The following RPUSD2 variants were observed in gnomAD, a reference collection of about 807,000 sequenced individuals.
RPUSD2 encodes the protein pseudouridylate synthase RPUSD2.
RPUSD2 carries 31 observed loss-of-function variants against 41.5 expected under a neutral mutation model. The ratio of observed to expected loss-of-function variants is 0.75; its 90% confidence interval spans 0.56 to 1.01. The LOEUF (loss-of-function observed/expected upper bound fraction) is 1.01, where lower values mean the gene tolerates loss of function less well. Among genes scored for constraint, RPUSD2 ranks in the 50% least tolerant of loss-of-function variants. The pLI is 0.00. For synonymous variants in RPUSD2, 305 were observed against 289.7 expected (o/e 1.05, Z -0.54); for missense variants, 749 against 724.7 (o/e 1.03, Z -0.38).
chr15:40,573,725 C>G lies in RPUSD2; in HGVS notation c.1102C>G (p.Arg368Gly). 1 of 1,614,160 alleles carries G rather than the reference C, an allele frequency of 6.2e-7. No individual in the cohort carries two copies. Among genetic ancestry groups the G allele is most frequent in the Non-Finnish European group, 8.5e-7 (1 of 1,180,032 alleles). ...GGTACGGTGCCGGCCACTCACAGGC[C>G]GCACACACCAGATTCGAGTCCACCT... ...SVVRCRPLTGRTHQIRVHLQF... is the reference protein window; with the variant it reads ...SVVRCRPLTGGTHQIRVHLQF... Residue 368 changes from arginine (R) to glycine (G), a missense_variant, in exon 3 of 3, where the codon CGC becomes GGC. Arg to Gly is a moderately radical substitution (Grantham distance 125). Coordinates refer to ENST00000315616, the MANE Select transcript of RPUSD2 (RefSeq NM_152260.3).
intron 2 of RPUSD2, among the ~76,000 whole-genome samples, chr15:40,572,427 G>A (rs912937977): frequency 2.6e-5 from 4 of 152,090 alleles, no homozygotes; most frequent in African/African-American, 9.7e-5. Context: ...TTAGCTGGGC[G>A]TGGTGGCGGG....
In RPUSD2 at chr15:40,569,417, C is replaced by G. The variant is rs750876087; in HGVS notation, c.80C>G (p.Thr27Ser). The G allele has an allele frequency of 1.5e-5, 23 of 1,551,514 alleles. No individual in the cohort carries two copies. The highest frequency in any genetic ancestry group is 2.0e-5 in the Non-Finnish European group (23 of 1,154,868). ...YDLRRPSFTR[T>S]WSGDKGPMAE... ...CTTAGGCGCCCTAGCTTTACCAGGA[C>G]TTGGAGTGGCGATAAGGGCCCAATG... is the stretch of plus-strand genomic sequence containing the variant. Residue 27 changes from threonine (T) to serine (S), a missense_variant, in exon 1 of 3, where the codon ACT becomes AGT. Thr to Ser is a moderately conservative substitution (Grantham distance 58). Coordinates refer to ENST00000315616, the MANE Select transcript of RPUSD2 (RefSeq NM_152260.3).
rs118042478 is a variant in RPUSD2, at chr15:40,569,324, G to T, written c.-14G>T. The T allele has an allele frequency of 4.5e-3, 6,527 of 1,451,004 alleles. 225 individuals are homozygous for T. The East Asian group carries it at 0.084, about 19-fold the overall frequency. The allele number at this position is 1,451,004 out of a possible 1,614,324, so 89.9% of individuals were successfully genotyped here. A position where few individuals can be genotyped will look rare whatever the true frequency, so the allele number is the denominator to read the frequency against. ...AGATCGCGACCCTGGGAGTGGAGTG[G>T]GGGCAGCGTGGTTATGTGGCTGGAC... On this transcript the variant is annotated 5_prime_UTR_variant, in exon 1 of 3. Coordinates refer to ENST00000315616, the MANE Select transcript of RPUSD2 (RefSeq NM_152260.3).
At chr15:40,570,143 AGG>A (rs1891108401) in intron 1 of RPUSD2, 200 bp downstream of exon 1, 1 of 650,698 alleles carries the variant, frequency 1.5e-6, no homozygotes, top group Admixed American at 3.5e-5. Context: ...TCTGTGCTTC[AGG>A]ACTCAGCCTG....
chr15:40,571,965 G>C lies in RPUSD2; in HGVS notation c.903+65G>C, dbSNP rs1891152558. ...CTCACGAATGCTCTGTGTCAAAAGG[G>C]CATCATGGAGTTCCGAAGTGGTCCT... On this transcript the variant is annotated intron_variant, in intron 2 of 2. Transcript: ENST00000315616. 3.0e-5 allele frequency: 46 copies of C among 1,515,256 alleles called. 1 individual carries two copies. The South Asian group carries it at 5.5e-4, about 18-fold the overall frequency. The allele number at this position is 1,515,256 out of a possible 1,614,324, so 93.9% of individuals were successfully genotyped here. A position where few individuals can be genotyped will look rare whatever the true frequency, so the allele number is the denominator to read the frequency against.
In RPUSD2 at chr15:40,569,517, T is replaced by C; in HGVS notation, c.180T>C (p.Gly60=). ...CGCATCAGCAAAACGGTGACGCTGG[T>C]GGCGACGCGAAGGTTGAGCTGTCCC... ...RASHQQNGDA[G]GDAKVELSPG... The change falls in exon 1 of 3, where the codon GGT becomes GGC. Residue 60 remains glycine (G), a synonymous_variant. Transcript: ENST00000315616. The C allele has an allele frequency of 6.5e-7, 1 of 1,544,742 alleles. No homozygotes were observed. The highest frequency in any genetic ancestry group is 1.3e-5 in the South Asian group (1 of 78,758).
Position 40,573,623 on chromosome 15 carries a change from G to T in RPUSD2, c.1000G>T (p.Val334Leu). ...CTTAGTGGTGTCTTACAAAGTAGGGGTGTGCCGTGTAGATCCCCGGGGCAA... is the reference window on the plus strand; with the variant it reads ...CTTAGTGGTGTCTTACAAAGTAGGGTTGTGCCGTGTAGATCCCCGGGGCAA... ...PILVVSYKVG[V>L]CRVDPRGKPC... The change falls in exon 3 of 3, where the codon GTG becomes TTG. Residue 334 changes from valine to leucine, a missense_variant. By Grantham distance (32) the Val-to-Leu change is conservative. Coordinates refer to ENST00000315616, the MANE Select transcript of RPUSD2 (RefSeq NM_152260.3). The T allele has an allele frequency of 6.2e-7, 1 of 1,614,200 alleles. No homozygotes were observed. Among genetic ancestry groups the T allele is most frequent in the Non-Finnish European group, 8.5e-7 (1 of 1,180,028 alleles).
At chr15:40,571,997 TTATC>T (rs1290140183) in intron 2 of RPUSD2, 97 bp downstream of exon 2, 6 of 1,288,410 alleles carry the variant, frequency 4.7e-6, no homozygotes, top group Non-Finnish European at 5.4e-6. Context: ...TCCTTCATAT[TTATC>T]TGGCCATCCT....
In RPUSD2 at chr15:40,574,513, C is replaced by T. The variant is rs1478980799; in HGVS notation, c.*252C>T. 2.7e-6 allele frequency: 1 copy of T among 375,892 alleles called. No homozygotes were observed. The highest frequency in any genetic ancestry group is 4.8e-6 in the Non-Finnish European group (1 of 206,616). 23.3% of individuals were successfully genotyped at this position (375,892 alleles called of 1,614,324 possible). A position where few individuals can be genotyped will look rare whatever the true frequency, so the allele number is the denominator to read the frequency against. ...TCTTTTTTATTACTGATGTAAAATT[C>T]ACATAACATAAAATTAACCACTTTA... On this transcript the variant is annotated 3_prime_UTR_variant, in exon 3 of 3. Coordinates refer to ENST00000315616, the MANE Select transcript of RPUSD2 (RefSeq NM_152260.3).
chr15:40,574,150 C>G lies in RPUSD2; in HGVS notation c.1527C>G (p.Pro509=). ...CAECRLVRQD[P]LPQDLVMFLH... ...AGTGCCGGCTGGTGCGACAGGATCC[C>G]TTGCCCCAAGACCTTGTGATGTTCC... The change falls in exon 3 of 3, where the codon CCC becomes CCG. Residue 509 remains proline, a synonymous_variant. Coordinates refer to ENST00000315616, the MANE Select transcript of RPUSD2 (RefSeq NM_152260.3). 1 of 1,614,182 alleles carries G rather than the reference C, an allele frequency of 6.2e-7. No individual in the cohort carries two copies. Among genetic ancestry groups the G allele is most frequent in the Non-Finnish European group, 8.5e-7 (1 of 1,180,020 alleles).
In RPUSD2 at chr15:40,573,705, G is replaced by C. The variant is rs755414326; in HGVS notation, c.1082G>C (p.Arg361Pro). 3.1e-6 allele frequency: 5 copies of C among 1,614,138 alleles called. No individual in the cohort carries two copies. Among genetic ancestry groups the C allele is most frequent in the Non-Finnish European group, 4.2e-6 (5 of 1,180,030 alleles). The change falls in exon 3 of 3, where the codon CGG (arginine) becomes CCG (proline). Residue 361 changes from arginine (R) to proline (P), a missense_variant. Arg to Pro is a moderately radical substitution (Grantham distance 103). Coordinates refer to ENST00000315616, the MANE Select transcript of RPUSD2 (RefSeq NM_152260.3). ...TACAATGGCCAGTCCAGTGTGGTAC[G>C]GTGCCGGCCACTCACAGGCCGCACA... ...LSYNGQSSVVRCRPLTGRTHQ... is the reference protein window; with the variant it reads ...LSYNGQSSVVPCRPLTGRTHQ...
At position 40,569,646 on chromosome 15, in the gene RPUSD2, G is replaced by T; in HGVS notation, c.309G>T (p.Arg103=). ...GCCCGGGCAAGCATAAGAAGCGGCG[G>T]GGCGCAACCAGGGAGCGTGTCGTGC... is the stretch of plus-strand genomic sequence containing the variant. ...APGPGKHKKR[R]GATRERVVPP... The change falls in exon 1 of 3, where the codon CGG becomes CGT. Residue 103 remains arginine (R), a synonymous_variant. Transcript: ENST00000315616. The T allele has an allele frequency of 6.5e-7, 1 of 1,539,864 alleles. No individual in the cohort carries two copies.
At chr15:40,570,835 A>T (rs529306189) in intron 1 of RPUSD2, among the ~76,000 whole-genome samples, 2 of 152,166 alleles carry the variant, frequency 1.3e-5, no homozygotes, top group Non-Finnish European at 2.9e-5. Flanking sequence ...CCCAGAAAAG[A>T]TAAATGACTT....
chr15:40,571,855 A>G lies in RPUSD2; in HGVS notation c.858A>G (p.Thr286=). 6.2e-7 allele frequency: 1 copy of G among 1,614,192 alleles called. No individual in the cohort carries two copies. Among genetic ancestry groups the G allele is most frequent in the Non-Finnish European group, 8.5e-7 (1 of 1,180,010 alleles). Residue 286 remains threonine, a synonymous_variant, in exon 2 of 3, where the codon ACA becomes ACG. Coordinates refer to ENST00000315616, the MANE Select transcript of RPUSD2 (RefSeq NM_152260.3). ...LTSGVLMFAK[T]AAVSERIHEQ... ...CAGGGGTGCTTATGTTTGCCAAGAC[A>G]GCTGCAGTCTCTGAGAGAATTCACG... is the stretch of plus-strand genomic sequence containing the variant.
In RPUSD2 at chr15:40,571,737, G is replaced by A; in HGVS notation, c.740G>A (p.Gly247Asp). ...KPSSIPVHPC[G>D]RFRHNTVIFI... is the part of the protein sequence containing the mutation. ...TCCTCCATTCCCGTTCACCCCTGTGGCCGCTTCCGACACAACACAGTTATC... is the reference window on the plus strand; with the variant it reads ...TCCTCCATTCCCGTTCACCCCTGTGACCGCTTCCGACACAACACAGTTATC... Residue 247 changes from glycine (G) to aspartate (D), a missense_variant, in exon 2 of 3, where the codon GGC (glycine) becomes GAC (aspartate). By Grantham distance (94) the Gly-to-Asp change is moderately conservative (BLOSUM62 -1). Transcript: ENST00000315616. 6.2e-7 allele frequency: 1 copy of A among 1,614,230 alleles called. No homozygotes were observed. The highest frequency in any genetic ancestry group is 8.5e-7 in the Non-Finnish European group (1 of 1,180,046).
At chr15:40,570,502 CAT>C (rs1451953018) in intron 1 of RPUSD2, among the ~76,000 whole-genome samples, 1 of 152,210 alleles carries the variant, frequency 6.6e-6, no homozygotes, top group Non-Finnish European at 1.5e-5. Context: ...AACTATTTAA[CAT>C]AGAGTTATGA....
Position 40,574,107 on chromosome 15 carries a change from C to G in RPUSD2, c.1484C>G (p.Thr495Arg), listed in dbSNP as rs748223689. The G allele has an allele frequency of 1.2e-6, 2 of 1,614,234 alleles. No homozygotes were observed. The highest frequency in any genetic ancestry group is 1.3e-5 in the African/African-American group (1 of 75,056). Residue 495 changes from threonine to arginine, a missense_variant, in exon 3 of 3, where the codon ACA becomes AGA. Physicochemically the swap from Thr to Arg is moderately conservative, Grantham distance 71. Transcript: ENST00000315616. ...AVETDVMNQE[T>R]DPLCAECRLV... is the part of the protein sequence containing the mutation. The stretch of plus-strand genomic sequence containing the variant: ...GAAACAGATGTCATGAATCAAGAGA[C>G]AGACCCACTCTGTGCAGAGTGCCGG...
chr15:40,574,236 C>T lies in RPUSD2; in HGVS notation c.1613C>T (p.Ala538Val), dbSNP rs1157929590. The change falls in exon 3 of 3, where the codon GCA (alanine) becomes GTA (valine). Residue 538 changes from alanine to valine, a missense_variant. Coordinates refer to ENST00000315616, the MANE Select transcript of RPUSD2 (RefSeq NM_152260.3). ...FEYFSPMPAWAQDDWQKD is the reference protein window; with the variant it reads ...FEYFSPMPAWVQDDWQKD ...TACTTTTCACCAATGCCTGCCTGGG[C>T]ACAGGATGACTGGCAAAAGGACTGA... 6.2e-7 allele frequency: 1 copy of T among 1,611,912 alleles called. No homozygotes were observed. The highest frequency in any genetic ancestry group is 8.5e-7 in the Non-Finnish European group (1 of 1,179,618).
chr15:40,570,993 TTTA>T lies in RPUSD2; in HGVS notation c.607-608_607-606del, dbSNP rs1389512378. 3.8e-3 allele frequency among the ~76,000 whole-genome samples: 568 copies of T among 148,856 alleles called. 7 individuals are homozygous for T. Among genetic ancestry groups the T allele is most frequent in the African/African-American group, 0.014 (536 of 38,460 alleles). ...CATTAAAAAAATTTTACCTTGATTA[TTTA>T]TTTTTTTTTTTTTTGAGACAGAGTC... On this transcript the variant is annotated intron_variant, in intron 1 of 2. Coordinates refer to ENST00000315616, the MANE Select transcript of RPUSD2 (RefSeq NM_152260.3).
Sources: allele counts gnomAD v4.1 joint callset (sites outside exome capture counted in the v4.1 genomes callset), GRCh38; gene constraint gnomAD v4.1.1; transcripts MANE v1.5; gene names NCBI Gene and HGNC (gene_info 2026-07-23, HGNC 2026-07-21).